Variants in DLGAP1 observed in about 807,000 individuals in gnomAD.
DLGAP1 encodes DLG associated protein 1, also known as disks large-associated protein 1.
In DLGAP1, 11 loss-of-function variants were observed where a neutral mutation model predicts 90.8. The observed-to-expected ratio is 0.12, with a 90% CI of 0.08 to 0.20. DLGAP1 has a LOEUF of 0.20. DLGAP1 is among the 10% of genes least tolerant of loss of function. The probability of loss-of-function intolerance (pLI) is 1.00; values close to 1 mark genes in which losing one functional copy is unlikely to be tolerated. For missense variants in DLGAP1, 1,050 were observed against 1,333.8 expected (o/e 0.79, Z 3.31); for synonymous variants, 558 against 540.7 (o/e 1.03, Z -0.44).
At chr18:4,289,085 G>C (rs2079781853) in intron 1 of DLGAP1, among the ~76,000 whole-genome samples, 1 of 152,172 alleles carries the variant, frequency 6.6e-6, no homozygotes, top group Non-Finnish European at 1.5e-5. Context: ...AGTGTTGTTG[G>C]AGATGACTGA....
rs1160258270 is a variant in DLGAP1, at chr18:4,084,972, T to C, written c.-159+66208A>G. Among the ~76,000 whole-genome samples, 5 of 149,586 alleles carry C rather than the reference T, an allele frequency of 3.3e-5. No individual in the cohort carries two copies. Among genetic ancestry groups the C allele is most frequent in the African/African-American group, 4.9e-5 (2 of 40,576 alleles). On this transcript the variant is annotated intron_variant, in intron 2 of 12. Transcript: ENST00000315677. The surrounding 1 kb of genome is among the most constrained non-coding windows in gnomAD (Gnocchi z 4.0). Reference sequence around the variant, plus strand: ...AAGGAGCAGGCATCGTCCAGGATGGTTAATGGGGAAGACATCACACACTCA... The same window carrying C: ...AAGGAGCAGGCATCGTCCAGGATGGCTAATGGGGAAGACATCACACACTCA...
chr18:3,578,897 T>G (rs1310309367), intron 8 of DLGAP1, among the ~76,000 whole-genome samples: 1 of 152,160 alleles, frequency 6.6e-6, no homozygotes, highest in East Asian at 1.9e-4. Context: ...CATAGCAGTG[T>G]ACAATGATTA....
At chr18:3,912,292 C>T (rs1197133461) in intron 3 of DLGAP1, among the ~76,000 whole-genome samples, 2 of 152,170 alleles carry the variant, frequency 1.3e-5, no homozygotes, top group East Asian at 1.9e-4. Flanking sequence ...GTTGTCAGAG[C>T]ACCTACTGTG....
intron 1 of DLGAP1, among the ~76,000 whole-genome samples, chr18:4,398,583 T>C (rs1477714174): frequency 1.3e-5 from 2 of 152,140 alleles, no homozygotes; most frequent in Non-Finnish European, 2.9e-5. Context: ...TGGAAGATGA[T>C]TGCGGGGGAT....
intron 1 of DLGAP1, among the ~76,000 whole-genome samples, chr18:4,394,677 T>C (rs1279245442): frequency 6.6e-6 from 1 of 152,200 alleles, no homozygotes; most frequent in Non-Finnish European, 1.5e-5. Flanking sequence ...GTAATACAAA[T>C]TCCTATGCCA....
At chr18:4,096,604 T>C (rs1337043382) in intron 2 of DLGAP1, among the ~76,000 whole-genome samples, 1 of 152,204 alleles carries the variant, frequency 6.6e-6, no homozygotes, top group Non-Finnish European at 1.5e-5. Context: ...CTGACCTATA[T>C]TTCCTTTGGA....
At position 4,455,199 on chromosome 18, in the gene DLGAP1, T is replaced by TG. The variant is rs1325991959; in HGVS notation, c.-461dup. On this transcript the variant is annotated 5_prime_UTR_variant, in exon 1 of 13. Transcript: ENST00000315677. ...GCTGCCGATTCCCCGAGGCGGAAGGTGTCCGCGAGGCCGTGTCCTGGAGAT... is the reference window on the plus strand; with the variant it reads ...GCTGCCGATTCCCCGAGGCGGAAGGTGGTCCGCGAGGCCGTGTCCTGGAGAT... The TG allele has an allele frequency of 6.6e-6, 1 of 151,124 alleles. No homozygotes were observed. The highest frequency in any genetic ancestry group is 1.5e-5 in the Non-Finnish European group (1 of 67,742). 9.4% of individuals were successfully genotyped at this position (151,124 alleles called of 1,614,324 possible).
At chr18:3,601,846 GA>G (rs60470269) in intron 7 of DLGAP1, among the ~76,000 whole-genome samples, 27 of 96,964 alleles carry the variant, frequency 2.8e-4, no homozygotes, top group South Asian at 6.9e-4. Context: ...CTCCATCTCG[GA>G]AAAAAAAAAA....
chr18:4,036,130 T>C (rs994973210), intron 2 of DLGAP1, among the ~76,000 whole-genome samples: 3 of 152,178 alleles, frequency 2.0e-5, no homozygotes, highest in African/African-American at 7.2e-5. Flanking sequence ...TGACAGCTTT[T>C]AATGATGTTT....
At chr18:3,865,317 T>C (rs2070317836) in intron 4 of DLGAP1, among the ~76,000 whole-genome samples, 1 of 152,224 alleles carries the variant, frequency 6.6e-6, no homozygotes, top group South Asian at 2.1e-4. Flanking sequence ...AGTAGTATTG[T>C]TTCTTGTTGA....
intron 8 of DLGAP1, among the ~76,000 whole-genome samples, chr18:3,568,550 C>T (rs1319626741): frequency 2.0e-5 from 3 of 151,802 alleles, no homozygotes; most frequent in Non-Finnish European, 2.9e-5. Context: ...AAAGACAATT[C>T]AATGTAAGTT....
chr18:4,351,779 A>G (rs1376999243), intron 1 of DLGAP1, among the ~76,000 whole-genome samples: 1 of 152,216 alleles, frequency 6.6e-6, no homozygotes, highest in Non-Finnish European at 1.5e-5. Flanking sequence ...TCAAAGACAT[A>G]CTAGGCTCAA....
intron 1 of DLGAP1, among the ~76,000 whole-genome samples, chr18:4,397,255 A>G (rs2082460440): frequency 6.6e-6 from 1 of 152,248 alleles, no homozygotes; most frequent in Admixed American, 6.5e-5. Context: ...CTCAACAACC[A>G]TGACTTAACT....
chr18:3,508,766 G>T, intron 10 of DLGAP1, 105 bp from the exon 11 acceptor site: 1 of 831,068 alleles, frequency 1.2e-6, no homozygotes, highest in Non-Finnish European at 1.9e-6. Context: ...AGGGAAAATG[G>T]CACACACACA....
At chr18:3,829,114 G>C (rs1294116291) in intron 4 of DLGAP1, among the ~76,000 whole-genome samples, 7 of 152,176 alleles carry the variant, frequency 4.6e-5, no homozygotes, top group Admixed American at 3.9e-4. Flanking sequence ...CAGTACATCA[G>C]GTCAACCTGA....
chr18:3,696,814 A>T (rs1460746090), intron 7 of DLGAP1, among the ~76,000 whole-genome samples: 1 of 152,162 alleles, frequency 6.6e-6, no homozygotes, highest in South Asian at 2.1e-4. Context: ...TCAGCTGTGA[A>T]TCTGTCTGGT....
At position 4,402,511 on chromosome 18, in the gene DLGAP1, A is replaced by G. The variant is rs551069812; in HGVS notation, c.-267+52495T>C. Among the ~76,000 whole-genome samples the G allele has an allele frequency of 5.3e-5, 8 of 152,336 alleles. No individual in the cohort carries two copies. The East Asian group carries it at 5.8e-4, about 11-fold the overall frequency. Reference sequence around the variant, plus strand: ...ACTATGGGAAGCAGGCCGGGAAGACATGGTTAATTCTATTTTACAGATGAG... The same window carrying G: ...ACTATGGGAAGCAGGCCGGGAAGACGTGGTTAATTCTATTTTACAGATGAG... On this transcript the variant is annotated intron_variant, in intron 1 of 12. Coordinates refer to ENST00000315677, the MANE Select transcript of DLGAP1 (RefSeq NM_004746.4).
At chr18:3,982,703 GTT>G (rs2149033461) in intron 3 of DLGAP1, among the ~76,000 whole-genome samples, 1 of 152,156 alleles carries the variant, frequency 6.6e-6, no homozygotes, top group Admixed American at 6.5e-5. Context: ...TCTCCAGCTG[GTT>G]TGGAAGCTCA....
Position 3,615,467 on chromosome 18 carries a change from A to G in DLGAP1, c.1592-33219T>C, listed in dbSNP as rs116527181. Among the ~76,000 whole-genome samples, 695 of 152,264 alleles carry G rather than the reference A, an allele frequency of 4.6e-3. 9 individuals carry two copies. The highest frequency in any genetic ancestry group is 0.016 in the African/African-American group (652 of 41,562). ...GCAGGGAGGAAAACTGGGTCACAAG[A>G]AGATAATCTCAGGGGTTGCTGGAGG... is the stretch of plus-strand genomic sequence containing the variant. On this transcript the variant is annotated intron_variant, in intron 7 of 12. Coordinates refer to ENST00000315677, the MANE Select transcript of DLGAP1 (RefSeq NM_004746.4).
Sources: allele counts gnomAD v4.1 joint callset (sites outside exome capture counted in the v4.1 genomes callset), GRCh38; gene constraint gnomAD v4.1.1; non-coding constraint Gnocchi (gnomAD v3.1); transcripts MANE v1.5; gene names NCBI Gene and HGNC (gene_info 2026-07-23, HGNC 2026-07-21).